KALRN: variants seen among roughly 807,000 people sequenced by gnomAD.
KALRN encodes the protein kalirin RhoGEF kinase.
A neutral mutation model predicts 353.7 loss-of-function variants in KALRN; 70 were observed. The observed-to-expected ratio is 0.20, with a 90% CI of 0.16 to 0.24. KALRN has a LOEUF of 0.24. Among genes scored for constraint, KALRN ranks in the 10% least tolerant of loss-of-function variants. KALRN has a pLI of 1.00. For synonymous variants in KALRN, 1,391 were observed against 1,434.8 expected, an observed-to-expected ratio of 0.97 and a Z score of 0.69; for missense variants, 2,791 against 3,756.7, an observed-to-expected ratio of 0.74 and a Z score of 6.72.
At chr3:124,622,356 A>G (rs575254215) in intron 34 of KALRN, among the ~76,000 whole-genome samples, 1 of 152,352 alleles carries the variant, frequency 6.6e-6, no homozygotes, top group East Asian at 1.9e-4. Context: ...TAAAACAGGT[A>G]TGGTTTATAT....
intron 49 of KALRN, 127 bp downstream of exon 49, chr3:124,674,741 C>T (rs2086956125): frequency 2.8e-6 from 3 of 1,068,760 alleles, no homozygotes; most frequent in Non-Finnish European, 2.6e-6. Flanking sequence ...AACAGTACCA[C>T]AGAACCAGTG....
chr3:124,276,897 T>G (rs2074785831), intron 5 of KALRN, among the ~76,000 whole-genome samples: 1 of 152,204 alleles, frequency 6.6e-6, no homozygotes, highest in African/African-American at 2.4e-5. Context: ...TAGAGTCCTC[T>G]GCTTTGAAGC....
At chr3:124,132,276 G>A (rs2065388198) in intron 1 of KALRN, among the ~76,000 whole-genome samples, 1 of 152,120 alleles carries the variant, frequency 6.6e-6, no homozygotes, top group African/African-American at 2.4e-5. Context: ...GACATGTCTT[G>A]ATGAGCAAAG....
At chr3:124,381,205 G>T (rs1038585893) in intron 10 of KALRN, among the ~76,000 whole-genome samples, 1 of 152,162 alleles carries the variant, frequency 6.6e-6, no homozygotes, top group Non-Finnish European at 1.5e-5. Flanking sequence ...CTTAAAGAAT[G>T]AATAAGAGTT....
intron 1 of KALRN, among the ~76,000 whole-genome samples, chr3:124,083,944 A>T (rs1161380827): frequency 6.6e-6 from 1 of 152,236 alleles, no homozygotes; most frequent in Non-Finnish European, 1.5e-5. Flanking sequence ...TCCTATGTGA[A>T]CAGGCTGCAG....
Position 124,657,545 on chromosome 3 carries a change from A to G in KALRN, c.5960A>G (p.His1987Arg). The G allele has an allele frequency of 6.2e-7, 1 of 1,612,180 alleles. No individual in the cohort carries two copies. ...FGNIHQIYDW[H>R]KDFFLAELEK... The stretch of plus-strand genomic sequence containing the variant: ...AATATTCATCAGATTTATGACTGGC[A>G]TAAGGAGTAAGTGTTAATGCTGCCC... The change falls in exon 40 of 60, where the codon CAT (histidine) becomes CGT (arginine). Residue 1987 changes from histidine (H) to arginine (R), a missense_variant. Physicochemically the swap from His to Arg is conservative, Grantham distance 29. This residue lies in a region of KALRN where 1,065 missense variants were observed against 1,156.4 expected (regional missense o/e 0.92). Coordinates refer to ENST00000682506, the MANE Select transcript of KALRN (RefSeq NM_001388419.1).
At chr3:124,107,141 A>G (rs893654713) in intron 1 of KALRN, among the ~76,000 whole-genome samples, 1 of 152,224 alleles carries the variant, frequency 6.6e-6, no homozygotes, top group African/African-American at 2.4e-5. Flanking sequence ...TTCATGCTAA[A>G]TGAAATCTGT....
chr3:124,220,999 T>C (rs574261989), intron 1 of KALRN, among the ~76,000 whole-genome samples: 1 of 152,314 alleles, frequency 6.6e-6, no homozygotes, highest in East Asian at 1.9e-4. Context: ...CTCTGCCCCT[T>C]GCTGTATGTA....
intron 1 of KALRN, among the ~76,000 whole-genome samples, chr3:124,087,745 G>A (rs968927279): frequency 8.6e-5 from 13 of 152,022 alleles, no homozygotes; most frequent in African/African-American, 3.1e-4. Context: ...ACTAGCTGGG[G>A]GTCTCAACCA....
At chr3:124,459,269 C>T (rs1214992769) in intron 23 of KALRN, among the ~76,000 whole-genome samples, 2 of 152,104 alleles carry the variant, frequency 1.3e-5, no homozygotes, top group Non-Finnish European at 2.9e-5. Flanking sequence ...CCTAGGTCAG[C>T]AATAGCCCAT....
chr3:124,657,585 C>T (rs201963552), intron 40 of KALRN, 34 bp downstream of exon 40: 1 of 1,551,920 alleles, frequency 6.4e-7, no homozygotes, highest in Non-Finnish European at 8.9e-7. Context: ...GATCCAGTGT[C>T]CTGGGAATCC....
chr3:124,492,704 T>C, intron 31 of KALRN, 36 bp from the exon 32 acceptor site: 2 of 1,603,180 alleles, frequency 1.2e-6, no homozygotes, highest in Non-Finnish European at 8.5e-7. Flanking sequence ...GTGATGGGAG[T>C]TGGGGTTCTC....
In KALRN at chr3:124,719,427, A is replaced by G. The variant is rs16835896; in HGVS notation, c.8918A>G (p.Asn2973Ser). The G allele has an allele frequency of 3.2e-4, 511 of 1,614,072 alleles. 6 individuals are homozygous for G. In the East Asian group the frequency reaches 9.1e-3, roughly 29 times the overall value. The change falls in exon 60 of 60, where the codon AAT becomes AGT. Residue 2973 changes from asparagine (N) to serine (S), a missense_variant. Physicochemically the swap from Asn to Ser is conservative, Grantham distance 46. Around this residue, in one of 11 missense-constraint regions of KALRN, gnomAD observed 32 missense variants for 27.4 expected, o/e 1.17. Coordinates refer to ENST00000682506, the MANE Select transcript of KALRN (RefSeq NM_001388419.1). The surrounding 1 kb of genome is among the most constrained non-coding windows in gnomAD (Gnocchi z 5.3). Reference protein sequence around the residue: ...KHQNDVRPIPNVKSYIVNRVN... With the variant: ...KHQNDVRPIPSVKSYIVNRVN... Reference sequence around the variant, plus strand: ...CAGAATGATGTGCGGCCTATTCCCAATGTCAAGAGCTACATTGTCAACCGG... The same window carrying G: ...CAGAATGATGTGCGGCCTATTCCCAGTGTCAAGAGCTACATTGTCAACCGG...
chr3:124,695,169 G>A lies in KALRN; in HGVS notation c.7577+666G>A, dbSNP rs887276981. ...AAAATGTGCAATAGAAAATCAAGCCGCAAGGATGCTTCTACACACAGAGTC... is the reference window on the plus strand; with the variant it reads ...AAAATGTGCAATAGAAAATCAAGCCACAAGGATGCTTCTACACACAGAGTC... On this transcript the variant is annotated intron_variant, in intron 53 of 59. Transcript: ENST00000682506. 2.4e-4 allele frequency among the ~76,000 whole-genome samples: 36 copies of A among 152,278 alleles called. 2 individuals are homozygous for A. In the East Asian group the frequency reaches 3.7e-3, roughly 16 times the overall value.
At chr3:124,088,847 C>A (rs1330390841) in intron 1 of KALRN, among the ~76,000 whole-genome samples, 1 of 151,910 alleles carries the variant, frequency 6.6e-6, no homozygotes, top group South Asian at 2.1e-4. Flanking sequence ...AAGTGATCTT[C>A]GCAACTAGTT....
intron 1 of KALRN, among the ~76,000 whole-genome samples, chr3:124,071,193 G>A (rs769456027): frequency 6.6e-6 from 1 of 152,198 alleles, no homozygotes; most frequent in Non-Finnish European, 1.5e-5. Flanking sequence ...TTTGAACCCA[G>A]TCAGATGTTA....
intron 1 of KALRN, among the ~76,000 whole-genome samples, chr3:124,138,040 A>G (rs2066148735): frequency 6.6e-6 from 1 of 152,178 alleles, no homozygotes; most frequent in South Asian, 2.1e-4. Flanking sequence ...AGGGATCCCC[A>G]GTGGCCCCCA....
chr3:124,096,434 A>G (rs767317339), intron 1 of KALRN, among the ~76,000 whole-genome samples: 1 of 152,236 alleles, frequency 6.6e-6, no homozygotes, highest in Non-Finnish European at 1.5e-5. Flanking sequence ...ATAACCGGGA[A>G]CTAAGAAAAG....
chr3:124,715,265 G>A (rs907214095), intron 58 of KALRN, among the ~76,000 whole-genome samples: 11 of 152,200 alleles, frequency 7.2e-5, no homozygotes, highest in African/African-American at 2.4e-4. Flanking sequence ...TCATTATCCT[G>A]TTATGCTTAT....
Sources: allele counts gnomAD v4.1 joint callset (sites outside exome capture counted in the v4.1 genomes callset), GRCh38; gene constraint gnomAD v4.1.1; regional missense constraint gnomAD v4.1.1; non-coding constraint Gnocchi (gnomAD v3.1); transcripts MANE v1.5; gene names NCBI Gene and HGNC (gene_info 2026-07-23, HGNC 2026-07-21).